AGAP1: variants seen among roughly 807,000 people sequenced by gnomAD.
The protein encoded by AGAP1 is ArfGAP with GTPase domain, ankyrin repeat and PH domain 1.
In AGAP1, 29 loss-of-function variants were observed where a neutral mutation model predicts 105.3. That is an observed-to-expected ratio of 0.28 (90% CI 0.21 to 0.38). The LOEUF is 0.38. Ranked by LOEUF, AGAP1 falls within the 10% of genes least tolerant of loss-of-function variation. AGAP1 has a pLI of 1.00. For missense variants in AGAP1, 998 were observed against 1,165.1 expected (o/e 0.86, Z 2.09); for synonymous variants, 509 against 485.9 (o/e 1.05, Z -0.63).
chr2:235,650,848 A>G (rs1474865851), intron 1 of AGAP1, among the ~76,000 whole-genome samples: 2 of 152,160 alleles, frequency 1.3e-5, no homozygotes, highest in Non-Finnish European at 2.9e-5. Flanking sequence ...CTGGCAGAGC[A>G]GCCTCTGACA....
At position 235,830,326 on chromosome 2, in the gene AGAP1, A is replaced by G. The variant is rs941543364; in HGVS notation, c.1050+22995A>G. 1.3e-5 allele frequency among the ~76,000 whole-genome samples: 2 copies of G among 152,096 alleles called. No homozygotes were observed. The highest frequency in any genetic ancestry group is 2.9e-5 in the Non-Finnish European group (2 of 68,012). ...AAAGTCAGATGGAATTTGTCTTCATATTTTGCTCATGTCAGTGAGGAGATA... is the reference window on the plus strand; with the variant it reads ...AAAGTCAGATGGAATTTGTCTTCATGTTTTGCTCATGTCAGTGAGGAGATA... On this transcript the variant is annotated intron_variant, in intron 9 of 17. Coordinates refer to ENST00000304032, the MANE Select transcript of AGAP1 (RefSeq NM_001037131.3). This position sits in a 1 kb window ranked among gnomAD's most constrained non-coding sequence, Gnocchi z 5.5.
intron 13 of AGAP1, among the ~76,000 whole-genome samples, chr2:235,985,076 A>G (rs1346474755): frequency 6.6e-6 from 1 of 152,180 alleles, no homozygotes; most frequent in Non-Finnish European, 1.5e-5. Flanking sequence ...CCAACAGTGT[A>G]AAAGCATTCC....
At chr2:235,680,622 T>C (rs966539598) in intron 1 of AGAP1, among the ~76,000 whole-genome samples, 6 of 151,820 alleles carry the variant, frequency 4.0e-5, no homozygotes, top group Non-Finnish European at 8.8e-5. Flanking sequence ...GTGACATCCA[T>C]TTTGACTGGT....
At chr2:235,975,791 C>A (rs73996681) in intron 13 of AGAP1, among the ~76,000 whole-genome samples, 3,174 of 152,302 alleles carry the variant, frequency 0.021, 107 homozygotes, top group African/African-American at 0.072. Flanking sequence ...CCGGCACCTC[C>A]CGTGTCTGCT....
At position 235,976,775 on chromosome 2, in the gene AGAP1, G is replaced by C. The variant is rs958665531; in HGVS notation, c.1645+8152G>C. ...CCAGCTGCCTGGAGGACCTCAGGGAGGTTCCCCAAAGGGGAGTAGACACTC... is the reference window on the plus strand; with the variant it reads ...CCAGCTGCCTGGAGGACCTCAGGGACGTTCCCCAAAGGGGAGTAGACACTC... On this transcript the variant is annotated intron_variant, in intron 13 of 17. Transcript: ENST00000304032. This position sits in a 1 kb window ranked among gnomAD's most constrained non-coding sequence, Gnocchi z 4.5. Among the ~76,000 whole-genome samples the C allele has an allele frequency of 6.6e-6, 1 of 152,138 alleles. No individual in the cohort carries two copies. The highest frequency in any genetic ancestry group is 6.5e-5 in the Admixed American group (1 of 15,278).
Position 235,951,311 on chromosome 2 carries a change from A to T in AGAP1, c.1484-17151A>T, listed in dbSNP as rs983900035. 1.4e-4 allele frequency among the ~76,000 whole-genome samples: 21 copies of T among 152,200 alleles called. No individual in the cohort carries two copies. Among genetic ancestry groups the T allele is most frequent in the African/African-American group, 4.8e-4 (20 of 41,440 alleles). ...AGAATACTCGATCGATGTCCACAGC[A>T]CATTCAAATTATCTTTCATGTTACA... On this transcript the variant is annotated intron_variant, in intron 12 of 17. Transcript: ENST00000304032. This position sits in a 1 kb window ranked among gnomAD's most constrained non-coding sequence, Gnocchi z 4.2.
chr2:236,123,806 C>T lies in AGAP1; in HGVS notation c.2371-113C>T, dbSNP rs988705701. 5.3e-6 allele frequency: 7 copies of T among 1,322,184 alleles called. No individual in the cohort carries two copies. The highest frequency in any genetic ancestry group is 7.4e-6 in the Non-Finnish European group (7 of 952,256). The allele number at this position is 1,322,184 out of a possible 1,614,324, so 81.9% of individuals were successfully genotyped here. On this transcript the variant is annotated intron_variant, in intron 17 of 17. Coordinates refer to ENST00000304032, the MANE Select transcript of AGAP1 (RefSeq NM_001037131.3). This position sits in a 1 kb window ranked among gnomAD's most constrained non-coding sequence, Gnocchi z 4.6. Reference sequence around the variant, plus strand: ...CCTGGCACCCCAGCCAGTTGTGTAGCTGGCCCCGCTGTCCAAGCACAAGCC... The same window carrying T: ...CCTGGCACCCCAGCCAGTTGTGTAGTTGGCCCCGCTGTCCAAGCACAAGCC...
At chr2:235,776,886 C>T in intron 6 of AGAP1, 1 of 470,238 alleles carries the variant, frequency 2.1e-6, no homozygotes, top group South Asian at 1.6e-5. Flanking sequence ...CCTTTCTTGG[C>T]TGCAACCTCT....
chr2:235,985,390 T>C (rs2055270546), intron 13 of AGAP1, among the ~76,000 whole-genome samples: 1 of 152,236 alleles, frequency 6.6e-6, no homozygotes, highest in South Asian at 2.1e-4. Flanking sequence ...TTTCTCCCAT[T>C]CTGTAGGTTG....
intron 1 of AGAP1, among the ~76,000 whole-genome samples, chr2:235,497,196 A>C (rs1456686288): frequency 6.6e-6 from 1 of 152,046 alleles, no homozygotes; most frequent in Non-Finnish European, 1.5e-5. Context: ...AGGGATAATG[A>C]CCTCCTTAAC....
intron 1 of AGAP1, among the ~76,000 whole-genome samples, chr2:235,558,144 G>T (rs1012669156): frequency 6.6e-6 from 1 of 152,158 alleles, no homozygotes; most frequent in Non-Finnish European, 1.5e-5. Context: ...GCCTGGCCCC[G>T]CAGGGTATGC....
In AGAP1 at chr2:235,710,551, C is replaced by T. The variant is rs538020279; in HGVS notation, c.222+1314C>T. Among the ~76,000 whole-genome samples the T allele has an allele frequency of 3.3e-4, 50 of 152,298 alleles. 1 individual carries two copies. The highest frequency in any genetic ancestry group is 1.0e-3 in the African/African-American group (42 of 41,566). On this transcript the variant is annotated intron_variant, in intron 2 of 17. Coordinates refer to ENST00000304032, the MANE Select transcript of AGAP1 (RefSeq NM_001037131.3). ...CTGGGCTGTCTCTGCAGCACTTGCC[C>T]GTGGGAGACAAAGCGTCTCTCAGTC... is the stretch of plus-strand genomic sequence containing the variant.
Position 236,042,500 on chromosome 2 carries a change from CA to C in AGAP1, c.1891+1664del, listed in dbSNP as rs1471045541. Among the ~76,000 whole-genome samples, 1 of 152,160 alleles carries C rather than the reference CA, an allele frequency of 6.6e-6. No individual in the cohort carries two copies. Among genetic ancestry groups the C allele is most frequent in the Non-Finnish European group, 1.5e-5 (1 of 68,024 alleles). ...GCAGTTATTTGAAGTGTGTTTCTAT[CA>C]AAAAGTTTTAAAAGTAAGAGCTTTT... On this transcript the variant is annotated intron_variant, in intron 15 of 17. Transcript: ENST00000304032. This position sits in a 1 kb window ranked among gnomAD's most constrained non-coding sequence, Gnocchi z 5.6.
At chr2:235,658,125 T>C (rs2149334522) in intron 1 of AGAP1, among the ~76,000 whole-genome samples, 1 of 152,354 alleles carries the variant, frequency 6.6e-6, no homozygotes, top group Admixed American at 6.5e-5. Flanking sequence ...GTTATGAACA[T>C]TAAAATCTTT....
chr2:235,576,869 G>A (rs1211161417), intron 1 of AGAP1, among the ~76,000 whole-genome samples: 1 of 152,210 alleles, frequency 6.6e-6, no homozygotes, highest in East Asian at 1.9e-4. Flanking sequence ...GACCCATCAT[G>A]GGACAATTCT....
chr2:236,116,225 C>T (rs886277431), intron 16 of AGAP1, among the ~76,000 whole-genome samples: 5 of 152,168 alleles, frequency 3.3e-5, no homozygotes, highest in African/African-American at 1.2e-4. Context: ...AAGCAATTCT[C>T]CTATCTCAGC....
At position 236,051,975 on chromosome 2, in the gene AGAP1, C is replaced by T. The variant is rs1037461716; in HGVS notation, c.2114+2694C>T. ...AAGTGAAAGTCGGGGCTGGAATCTC[C>T]GCAAGCCGGTCTGTCCATGACGTGA... On this transcript the variant is annotated intron_variant, in intron 16 of 17. Coordinates refer to ENST00000304032, the MANE Select transcript of AGAP1 (RefSeq NM_001037131.3). This position sits in a 1 kb window ranked among gnomAD's most constrained non-coding sequence, Gnocchi z 5.9. Among the ~76,000 whole-genome samples, 2 of 152,102 alleles carry T rather than the reference C, an allele frequency of 1.3e-5. No individual in the cohort carries two copies. Among genetic ancestry groups the T allele is most frequent in the African/African-American group, 2.4e-5 (1 of 41,432 alleles).
intron 1 of AGAP1, among the ~76,000 whole-genome samples, chr2:235,681,676 G>C (rs1313638116): frequency 6.6e-6 from 1 of 152,162 alleles, no homozygotes; most frequent in Non-Finnish European, 1.5e-5. Context: ...TGTACTGTTA[G>C]CATTAACCAG....
intron 1 of AGAP1, among the ~76,000 whole-genome samples, chr2:235,658,061 C>T (rs10195665): frequency 0.056 from 8,567 of 152,158 alleles, 816 homozygotes; most frequent in African/African-American, 0.2. Context: ...CCACACAGCC[C>T]GTGGTACTTT....
Sources: gnomAD v4.1 joint callset for allele counts (sites outside exome capture counted in the v4.1 genomes callset) on GRCh38, gnomAD v4.1.1 for gene constraint, Gnocchi (gnomAD v3.1) non-coding constraint, MANE v1.5 for transcripts, NCBI Gene and HGNC (gene_info 2026-07-23, HGNC 2026-07-21) for gene names.